LAPTM5: variants seen among roughly 807,000 people sequenced by gnomAD.
LAPTM5 encodes lysosomal protein transmembrane 5.
A neutral mutation model predicts 30.1 loss-of-function variants in LAPTM5; 11 were observed. The ratio of observed to expected loss-of-function variants is 0.37; its 90% CI spans 0.23 to 0.60. The LOEUF is 0.60. Among genes scored for constraint, LAPTM5 ranks in the 20% least tolerant of loss-of-function variants. The pLI is 0.71. For missense variants in LAPTM5, 324 were observed against 332.5 expected, an observed-to-expected ratio of 0.97 and a Z score of 0.20; for synonymous variants, 151 against 137.9, an observed-to-expected ratio of 1.10 and a Z score of -0.67.
chr1:30,753,587 C>CAA (rs1266680330), intron 1 of LAPTM5, among the ~76,000 whole-genome samples: 1 of 152,030 alleles, frequency 6.6e-6, no homozygotes, highest in Non-Finnish European at 1.5e-5. Flanking sequence ...AAATGCCTGA[C>CAA]AAATACTCCT....
At position 30,735,242 on chromosome 1, in the gene LAPTM5, C is replaced by G; in HGVS notation, c.630G>C (p.Trp210Cys). 6.2e-7 allele frequency: 1 copy of G among 1,614,072 alleles called. No individual in the cohort carries two copies. Among genetic ancestry groups the G allele is most frequent in the Non-Finnish European group, 8.5e-7 (1 of 1,180,008 alleles). ...IFKVYMFKCV[W>C]RCYRLIKCMN... ...TGCACTTGATCAATCTGTAGCACCG[C>G]CACACGCACTTGAACATGTAGACCT... is the stretch of plus-strand genomic sequence containing the variant. Residue 210 changes from tryptophan to cysteine, a missense_variant, in exon 7 of 8, where the codon TGG (tryptophan) becomes TGC (cysteine). Trp to Cys is a radical substitution (Grantham distance 215). Transcript: ENST00000294507.
In LAPTM5 at chr1:30,757,738, G is replaced by T; in HGVS notation, c.8C>A (p.Pro3His). Reference protein sequence around the residue: MDPRLSTVRQTCC... With the variant: MDHRLSTVRQTCC... ...GGTCTGGCGGACAGTGGACAAGCGG[G>T]GGTCCATGGTGCTGCCGTCCCCTCC... Residue 3 changes from proline (P) to histidine (H), a missense_variant, in exon 1 of 8, where the codon CCC becomes CAC. Coordinates refer to ENST00000294507, the MANE Select transcript of LAPTM5 (RefSeq NM_006762.3). 1 of 1,613,576 alleles carries T rather than the reference G, an allele frequency of 6.2e-7. No individual in the cohort carries two copies. Among genetic ancestry groups the T allele is most frequent in the Non-Finnish European group, 8.5e-7 (1 of 1,179,940 alleles).
intron 1 of LAPTM5, among the ~76,000 whole-genome samples, chr1:30,750,287 ACTTCTCC>A: frequency 6.6e-6 from 1 of 152,234 alleles, no homozygotes; most frequent in South Asian, 2.1e-4. Context: ...TAAAACCATC[ACTTCTCC>A]CTTTATCTTC....
In LAPTM5 at chr1:30,746,635, C is replaced by T. The variant is rs1391180115; in HGVS notation, c.88-4086G>A. Among the ~76,000 whole-genome samples, 1 of 152,186 alleles carries T rather than the reference C, an allele frequency of 6.6e-6. No individual in the cohort carries two copies. Among genetic ancestry groups the T allele is most frequent in the Non-Finnish European group, 1.5e-5 (1 of 68,032 alleles). ...AGCATGCCCTCACCCACTTGCTCCC[C>T]AATTACAGCATCTTTTCACCCACTG... On this transcript the variant is annotated intron_variant, in intron 1 of 7. Coordinates refer to ENST00000294507, the MANE Select transcript of LAPTM5 (RefSeq NM_006762.3). The surrounding 1 kb of genome is among the most constrained non-coding windows in gnomAD (Gnocchi z 4.0).
rs1308105337 is a variant in LAPTM5 at position 30,732,649 on chromosome 1, G to A, written c.*1179C>T. The A allele has an allele frequency of 2.0e-5, 3 of 152,032 alleles. No individual in the cohort carries two copies. The highest frequency in any genetic ancestry group is 4.4e-5 in the Non-Finnish European group (3 of 68,032). The allele number at this position is 152,032 out of a possible 1,614,324, so 9.4% of individuals were successfully genotyped here. On this transcript the variant is annotated 3_prime_UTR_variant, in exon 8 of 8. Coordinates refer to ENST00000294507, the MANE Select transcript of LAPTM5 (RefSeq NM_006762.3). ...GCTCCCTGGAGGACCCCGACACACA[G>A]GGAAGCAGGCACAGGAGGGCTGTTG... is the stretch of plus-strand genomic sequence containing the variant.
chr1:30,757,111 A>G (rs940256108), intron 1 of LAPTM5, among the ~76,000 whole-genome samples: 2 of 152,216 alleles, frequency 1.3e-5, no homozygotes, highest in Non-Finnish European at 2.9e-5. Context: ...ACTGAGCTGG[A>G]AGCTGAGAGG....
intron 1 of LAPTM5, among the ~76,000 whole-genome samples, chr1:30,755,493 G>C (rs886319406): frequency 6.6e-6 from 1 of 152,008 alleles, no homozygotes; most frequent in Non-Finnish European, 1.5e-5. Flanking sequence ...TTGCTCACCT[G>C]TTTCTCCTCA....
Position 30,746,998 on chromosome 1 carries a change from A to G in LAPTM5, c.88-4449T>C, listed in dbSNP as rs1414800026. 2.0e-5 allele frequency among the ~76,000 whole-genome samples: 3 copies of G among 151,878 alleles called. No homozygotes were observed. Among genetic ancestry groups the G allele is most frequent in the Non-Finnish European group, 2.9e-5 (2 of 67,990 alleles). ...CAAACTCTGTCTAGAAAAGCCACTG[A>G]CCCTGGCGTGCCGGTGTCACAGTCT... On this transcript the variant is annotated intron_variant, in intron 1 of 7. Coordinates refer to ENST00000294507, the MANE Select transcript of LAPTM5 (RefSeq NM_006762.3). This position sits in a 1 kb window ranked among gnomAD's most constrained non-coding sequence, Gnocchi z 4.0.
chr1:30,735,937 G>A (rs1394398105), intron 6 of LAPTM5, among the ~76,000 whole-genome samples: 2 of 152,126 alleles, frequency 1.3e-5, no homozygotes, highest in East Asian at 1.9e-4. Flanking sequence ...ATGGAGGTAC[G>A]GAGTGACAAA....
intron 7 of LAPTM5, among the ~76,000 whole-genome samples, chr1:30,734,896 T>C (rs1639864438): frequency 6.6e-6 from 1 of 152,248 alleles, no homozygotes; most frequent in Admixed American, 6.5e-5. Flanking sequence ...GTGTCTGAAC[T>C]GTACACTCCT....
intron 3 of LAPTM5, 71 bp from the exon 4 acceptor site, chr1:30,740,008 C>T (rs1639945874): frequency 1.4e-6 from 2 of 1,461,250 alleles, no homozygotes; most frequent in Admixed American, 2.3e-5. Context: ...AGCCTGATAT[C>T]CTCATGCATC....
chr1:30,739,740 G>A lies in LAPTM5; in HGVS notation c.387+69C>T. On this transcript the variant is annotated intron_variant, in intron 4 of 7. Transcript: ENST00000294507. This position sits in a 1 kb window ranked among gnomAD's most constrained non-coding sequence, Gnocchi z 4.2. The stretch of plus-strand genomic sequence containing the variant: ...AGCCTGAGCACAGGGCCCGTGTCTG[G>A]TCCCCTCCCATCTCCCATGCCAGAC... 1 of 1,490,444 alleles carries A rather than the reference G, an allele frequency of 6.7e-7. No homozygotes were observed. Among genetic ancestry groups the A allele is most frequent in the South Asian group, 1.3e-5 (1 of 74,878 alleles). The allele number at this position is 1,490,444 out of a possible 1,614,324, so 92.3% of individuals were successfully genotyped here. A position where few individuals can be genotyped will look rare whatever the true frequency, so the allele number is the denominator to read the frequency against.
At chr1:30,748,546 G>A (rs1640081755) in intron 1 of LAPTM5, among the ~76,000 whole-genome samples, 1 of 152,170 alleles carries the variant, frequency 6.6e-6, no homozygotes. Context: ...TCACCATCAA[G>A]AGGAAGCTCC....
chr1:30,733,992 C>A (rs1407286266), intron 7 of LAPTM5, 75 bp from the exon 8 acceptor site: 3 of 1,480,622 alleles, frequency 2.0e-6, no homozygotes, highest in Non-Finnish European at 2.7e-6. Context: ...TCATGGGACC[C>A]AAACCCCCAC....
At chr1:30,734,391 G>T (rs893637748) in intron 7 of LAPTM5, among the ~76,000 whole-genome samples, 7 of 152,164 alleles carry the variant, frequency 4.6e-5, no homozygotes, top group Non-Finnish European at 1.0e-4. Context: ...TCTGCCTAGG[G>T]GTTTTGGCAG....
At chr1:30,737,353 C>A (rs115211698) in intron 6 of LAPTM5, among the ~76,000 whole-genome samples, 1,653 of 152,282 alleles carry the variant, frequency 0.011, 11 homozygotes, top group South Asian at 0.025. Flanking sequence ...AAATCTAATT[C>A]CAGACAGCTG....
intron 1 of LAPTM5, among the ~76,000 whole-genome samples, chr1:30,742,919 T>G (rs141877216): frequency 6.6e-6 from 1 of 152,058 alleles, no homozygotes; most frequent in Non-Finnish European, 1.5e-5. Flanking sequence ...GTGGTAACTG[T>G]TACTACTGAA....
At chr1:30,753,310 C>G (rs1640164004) in intron 1 of LAPTM5, among the ~76,000 whole-genome samples, 1 of 152,178 alleles carries the variant, frequency 6.6e-6, no homozygotes, top group African/African-American at 2.4e-5. Context: ...CCCCATTCAT[C>G]AAACTTGAGT....
At chr1:30,757,400 A>G (rs1640226841) in intron 1 of LAPTM5, among the ~76,000 whole-genome samples, 1 of 152,184 alleles carries the variant, frequency 6.6e-6, no homozygotes, top group Non-Finnish European at 1.5e-5. Context: ...CTCGGAGTGA[A>G]CGTCAGTTAC....
Sources: allele counts gnomAD v4.1 joint callset (sites outside exome capture counted in the v4.1 genomes callset), GRCh38; gene constraint gnomAD v4.1.1; non-coding constraint Gnocchi (gnomAD v3.1); transcripts MANE v1.5; gene names NCBI Gene and HGNC (gene_info 2026-07-23, HGNC 2026-07-21).